Variants in GPC5 observed in about 807,000 individuals in gnomAD.
GPC5 encodes glypican 5, also known as glypican-5.
A neutral mutation model predicts 53.9 loss-of-function variants in GPC5; 47 were observed. The ratio of observed to expected loss-of-function variants is 0.87; its 90% CI spans 0.69 to 1.11. The LOEUF (loss-of-function observed/expected upper bound fraction) is 1.11, where lower values mean the gene tolerates loss of function less well. Ranked by LOEUF, GPC5 falls within the 50% of genes most tolerant of loss-of-function variation. The pLI, the probability that GPC5 is intolerant of heterozygous loss-of-function variation, is 0.00. For synonymous variants in GPC5, 286 were observed against 263.3 expected (o/e 1.09, Z -0.84); for missense variants, 748 against 713.1 (o/e 1.05, Z -0.56).
intron 5 of GPC5, among the ~76,000 whole-genome samples, chr13:91,876,064 G>A (rs887081782): frequency 9.9e-5 from 15 of 152,094 alleles, no homozygotes; most frequent in Admixed American, 7.9e-4. Flanking sequence ...TTCCACTTTT[G>A]CTTCTTTTCT....
chr13:91,798,571 T>G (rs897890332), intron 5 of GPC5, among the ~76,000 whole-genome samples: 5 of 152,236 alleles, frequency 3.3e-5, no homozygotes, highest in African/African-American at 1.2e-4. Context: ...TGTACCACAT[T>G]GTCTTTATCC....
chr13:92,134,777 T>A (rs1228881811), intron 6 of GPC5, among the ~76,000 whole-genome samples: 1 of 152,146 alleles, frequency 6.6e-6, no homozygotes, highest in East Asian at 1.9e-4. Context: ...CAATGTATCA[T>A]GATGAAAGTT....
chr13:92,621,548 C>T (rs1016454077), intron 7 of GPC5, among the ~76,000 whole-genome samples: 2 of 152,168 alleles, frequency 1.3e-5, no homozygotes, highest in South Asian at 2.1e-4. Flanking sequence ...TGGCCAAGCA[C>T]AGTAGCTCAC....
chr13:91,789,697 TGTA>T (rs2037933501), intron 5 of GPC5, among the ~76,000 whole-genome samples: 1 of 152,218 alleles, frequency 6.6e-6, no homozygotes, highest in African/African-American at 2.4e-5. Context: ...GTGTACCTGT[TGTA>T]GTTCATTTCT....
intron 7 of GPC5, among the ~76,000 whole-genome samples, chr13:92,516,285 A>C (rs1880777047): frequency 6.6e-6 from 1 of 152,230 alleles, no homozygotes. Context: ...TTAACATATT[A>C]GTAATTTGGA....
chr13:91,845,513 A>T (rs1460605119), intron 5 of GPC5, among the ~76,000 whole-genome samples: 1 of 152,148 alleles, frequency 6.6e-6, no homozygotes, highest in East Asian at 1.9e-4. Flanking sequence ...CTCTCTTAGC[A>T]AATTTGAGGT....
chr13:91,526,993 A>G (rs185193436), intron 2 of GPC5, among the ~76,000 whole-genome samples: 3 of 152,258 alleles, frequency 2.0e-5, no homozygotes, highest in Non-Finnish European at 2.9e-5. Context: ...ACCACCCTCA[A>G]CATGTGGGAA....
intron 7 of GPC5, among the ~76,000 whole-genome samples, chr13:92,276,501 T>C (rs1466783372): frequency 6.6e-6 from 1 of 152,120 alleles, no homozygotes; most frequent in African/African-American, 2.4e-5. Context: ...ACACAATATT[T>C]ACTCATAGTT....
At chr13:91,593,299 A>G (rs7999821) in intron 2 of GPC5, among the ~76,000 whole-genome samples, 141,057 of 152,240 alleles carry the variant, frequency 0.93, 66,291 homozygotes, top group East Asian at 1. Flanking sequence ...ATTTTCTCTT[A>G]GAGATCTGTC....
chr13:92,239,372 T>C (rs940341958), intron 7 of GPC5, among the ~76,000 whole-genome samples: 9 of 152,008 alleles, frequency 5.9e-5, no homozygotes, highest in Admixed American at 2.6e-4. Context: ...ACAATGTTTC[T>C]AATAAAACAA....
intron 7 of GPC5, chr13:92,240,708 T>G (rs1055121997): frequency 1.6e-4 from 24 of 152,256 alleles, no homozygotes; most frequent in African/African-American, 5.8e-4. Flanking sequence ...TTCACCATGT[T>G]GGCCAGGCTG....
intron 7 of GPC5, among the ~76,000 whole-genome samples, chr13:92,707,377 G>A (rs553984035): frequency 2.0e-4 from 31 of 152,132 alleles, no homozygotes; most frequent in Middle Eastern, 3.4e-3. Context: ...TGTGCCTCTC[G>A]TATGATGCAG....
chr13:92,463,719 T>C (rs1594224206), intron 7 of GPC5, among the ~76,000 whole-genome samples: 1 of 152,306 alleles, frequency 6.6e-6, no homozygotes, highest in East Asian at 1.9e-4. Flanking sequence ...TTTTCTTCAC[T>C]TATATTTAAT....
intron 2 of GPC5, among the ~76,000 whole-genome samples, chr13:91,658,810 A>C (rs1291217234): frequency 5.3e-5 from 8 of 152,066 alleles, no homozygotes; most frequent in Non-Finnish European, 8.8e-5. Flanking sequence ...TTAATGTGCA[A>C]AGTTACTTCC....
chr13:91,759,918 A>G (rs375561678), intron 5 of GPC5, among the ~76,000 whole-genome samples: 5 of 152,248 alleles, frequency 3.3e-5, no homozygotes, highest in Admixed American at 3.3e-4. Context: ...TAAAATAGAT[A>G]TTAATATTGG....
At chr13:92,593,705 A>G (rs1243136968) in intron 7 of GPC5, among the ~76,000 whole-genome samples, 2 of 152,042 alleles carry the variant, frequency 1.3e-5, no homozygotes, top group African/African-American at 4.8e-5. Context: ...AGAAGATGCA[A>G]CTGATCAGAT....
chr13:91,597,694 G>A (rs1465757347), intron 2 of GPC5, among the ~76,000 whole-genome samples: 1 of 151,980 alleles, frequency 6.6e-6, no homozygotes, highest in Admixed American at 6.6e-5. Flanking sequence ...CCCCTTCATG[G>A]CAGAAACTGC....
intron 7 of GPC5, among the ~76,000 whole-genome samples, chr13:92,663,596 T>C (rs1342178506): frequency 3.6e-5 from 3 of 83,508 alleles, no homozygotes; most frequent in Non-Finnish European, 9.1e-5. Context: ...TATATATATC[T>C]ACTATATATA....
At chr13:92,342,870 A>G (rs1277357571) in intron 7 of GPC5, among the ~76,000 whole-genome samples, 3 of 152,148 alleles carry the variant, frequency 2.0e-5, no homozygotes, top group African/African-American at 7.2e-5. Flanking sequence ...AGTTCTCTTC[A>G]GTGTATTTAT....
Sources: gnomAD v4.1 joint callset for allele counts (sites outside exome capture counted in the v4.1 genomes callset) on GRCh38, gnomAD v4.1.1 for gene constraint, MANE v1.5 for transcripts, NCBI Gene and HGNC (gene_info 2026-07-23, HGNC 2026-07-21) for gene names.